Variants in CHCHD6 observed in about 807,000 individuals in gnomAD.
The protein encoded by CHCHD6 is MICOS complex subunit MIC25.
A neutral mutation model predicts 32.3 loss-of-function variants in CHCHD6; 28 were observed. That is an observed-to-expected ratio of 0.87 (90% confidence interval 0.64 to 1.19). CHCHD6 has a LOEUF of 1.19. Among genes scored for constraint, CHCHD6 ranks in the 50% most tolerant of loss-of-function variants. CHCHD6 has a pLI of 0.00. For missense variants in CHCHD6, 333 were observed against 307.0 expected (o/e 1.08, Z -0.63); for synonymous variants, 122 against 117.5 (o/e 1.04, Z -0.25).
intron 4 of CHCHD6, among the ~76,000 whole-genome samples, chr3:126,817,140 G>A (rs532082389): frequency 1.3e-5 from 2 of 152,168 alleles, no homozygotes; most frequent in Admixed American, 1.3e-4. Flanking sequence ...TTAAACAATC[G>A]CCGACTGCTC....
chr3:126,866,813 C>T (rs1001091273), intron 5 of CHCHD6, among the ~76,000 whole-genome samples: 1 of 152,208 alleles, frequency 6.6e-6, no homozygotes, highest in African/African-American at 2.4e-5. Context: ...CATGAAGTTT[C>T]CCCCTACGTA....
intron 4 of CHCHD6, among the ~76,000 whole-genome samples, chr3:126,830,961 G>A (rs1940612670): frequency 6.6e-6 from 1 of 152,066 alleles, no homozygotes; most frequent in Non-Finnish European, 1.5e-5. Context: ...AAGTGTACCA[G>A]GGCCTGCTCG....
At chr3:126,878,418 G>A (rs980297655) in intron 5 of CHCHD6, among the ~76,000 whole-genome samples, 3 of 152,248 alleles carry the variant, frequency 2.0e-5, no homozygotes, top group Non-Finnish European at 4.4e-5. Flanking sequence ...TTCACAGAAT[G>A]ATGGCAGTAT....
chr3:126,720,041 A>T (rs2001976), intron 1 of CHCHD6, among the ~76,000 whole-genome samples: 6 of 151,910 alleles, frequency 3.9e-5, no homozygotes, highest in South Asian at 2.1e-4. Context: ...CCACCACGCC[A>T]GGCTAATTTT....
chr3:126,775,286 TGACA>T lies in CHCHD6; in HGVS notation c.411+42071_411+42074del, dbSNP rs951609572. ...AGCATCCTTTTCCATCTTGTTGATC[TGACA>T]GACAGAAATGTGTGTCAGTGGTATT... On this transcript the variant is annotated intron_variant, in intron 4 of 7. Transcript: ENST00000290913. Among the ~76,000 whole-genome samples the T allele has an allele frequency of 1.6e-4, 24 of 152,348 alleles. 2 individuals carry two copies. The South Asian group carries it at 4.6e-3, about 29-fold the overall frequency.
chr3:126,744,750 C>T (rs189255009), intron 4 of CHCHD6, among the ~76,000 whole-genome samples: 1 of 151,982 alleles, frequency 6.6e-6, no homozygotes, highest in Admixed American at 6.5e-5. Context: ...TGCAGTGGTG[C>T]GATCTCAGCT....
intron 5 of CHCHD6, among the ~76,000 whole-genome samples, chr3:126,897,851 G>T (rs1297970629): frequency 6.6e-6 from 1 of 152,154 alleles, no homozygotes; most frequent in Non-Finnish European, 1.5e-5. Flanking sequence ...TTATGGGCAT[G>T]TACACCCCAG....
chr3:126,727,029 GC>G (rs773362187), intron 1 of CHCHD6, 48 bp from the exon 2 acceptor site: 6 of 1,332,364 alleles, frequency 4.5e-6, no homozygotes, highest in Non-Finnish European at 6.5e-6. Context: ...TTGCTTCCAG[GC>G]ACTTCTGTGA....
intron 4 of CHCHD6, among the ~76,000 whole-genome samples, chr3:126,773,602 CTT>C (rs769256372): frequency 4.7e-3 from 425 of 89,906 alleles, no homozygotes; most frequent in East Asian, 0.02. Context: ...TTCTGCTTTT[CTT>C]TTTTTTTTTT....
chr3:126,902,357 A>T (rs1196275597), intron 5 of CHCHD6, among the ~76,000 whole-genome samples: 1 of 152,206 alleles, frequency 6.6e-6, no homozygotes, highest in Non-Finnish European at 1.5e-5. Context: ...CTGCAGATAT[A>T]TGAAGGATAA....
At chr3:126,763,289 TCCCTTTTTCCCCCTCTTCTC>T (rs377752905) in intron 4 of CHCHD6, among the ~76,000 whole-genome samples, 6,049 of 132,044 alleles carry the variant, frequency 0.046, 250 homozygotes, top group South Asian at 0.19. Flanking sequence ...TTCCCTCTTC[TCCCTTTTTCCCCCTCTTCTC>T]CCCTTTTTCC....
At chr3:126,787,039 A>G (rs1472233345) in intron 4 of CHCHD6, among the ~76,000 whole-genome samples, 1 of 152,244 alleles carries the variant, frequency 6.6e-6, no homozygotes, top group African/African-American at 2.4e-5. Context: ...AGCTTTCTAC[A>G]TATGGCTAGC....
intron 4 of CHCHD6, among the ~76,000 whole-genome samples, chr3:126,746,186 T>A (rs1478142941): frequency 2.6e-5 from 4 of 152,150 alleles, no homozygotes; most frequent in Admixed American, 6.5e-5. Flanking sequence ...GGAGTGACAG[T>A]CTCTGTGGAG....
chr3:126,877,677 C>G (rs1359612490), intron 5 of CHCHD6, among the ~76,000 whole-genome samples: 1 of 152,122 alleles, frequency 6.6e-6, no homozygotes, highest in Non-Finnish European at 1.5e-5. Flanking sequence ...GTTAGGTAGA[C>G]CAGCTGCATC....
intron 5 of CHCHD6, among the ~76,000 whole-genome samples, chr3:126,889,822 G>A (rs1486279264): frequency 1.3e-5 from 2 of 152,226 alleles, no homozygotes; most frequent in African/African-American, 4.8e-5. Flanking sequence ...CCCAGCAGAT[G>A]GCCTGGTGCC....
At chr3:126,741,308 T>C (rs532679950) in intron 4 of CHCHD6, among the ~76,000 whole-genome samples, 1 of 152,158 alleles carries the variant, frequency 6.6e-6, no homozygotes, top group South Asian at 2.1e-4. Context: ...CATGACAGAA[T>C]TGATGTGAAC....
chr3:126,914,223 G>A (rs1424917440), intron 5 of CHCHD6, among the ~76,000 whole-genome samples: 1 of 152,198 alleles, frequency 6.6e-6, no homozygotes, highest in African/African-American at 2.4e-5. Context: ...CTATAAAATA[G>A]GGGTTGGACC....
At chr3:126,798,603 C>T (rs555538578) in intron 4 of CHCHD6, among the ~76,000 whole-genome samples, 334 of 20,842 alleles carry the variant, frequency 0.016, 2 homozygotes, top group Non-Finnish European at 6.2e-3. Flanking sequence ...AGGGTGCCCC[C>T]GCTCTGTGGC....
chr3:126,830,531 C>T lies in CHCHD6; in HGVS notation c.412-22116C>T, dbSNP rs1489513818. Among the ~76,000 whole-genome samples the T allele has an allele frequency of 3.6e-4, 55 of 152,248 alleles. 1 individual carries two copies. The highest frequency in any genetic ancestry group is 3.3e-3 in the Admixed American group (50 of 15,286). Reference sequence around the variant, plus strand: ...TCACAACAGAACTTGCTGTCTTCCTCGCCCCCTGCTCTACCAGTGTTCTGT... The same window carrying T: ...TCACAACAGAACTTGCTGTCTTCCTTGCCCCCTGCTCTACCAGTGTTCTGT... On this transcript the variant is annotated intron_variant, in intron 4 of 7. Coordinates refer to ENST00000290913, the MANE Select transcript of CHCHD6 (RefSeq NM_032343.3).
Sources: allele counts gnomAD v4.1 joint callset (sites outside exome capture counted in the v4.1 genomes callset), GRCh38; gene constraint gnomAD v4.1.1; transcripts MANE v1.5; gene names NCBI Gene and HGNC (gene_info 2026-07-23, HGNC 2026-07-21).